ANXA11: variants seen among roughly 807,000 people sequenced by gnomAD.
ANXA11 encodes 56 kDa autoantigen.
ANXA11 carries 57 observed loss-of-function variants against 64.7 expected under a neutral mutation model. The ratio of observed to expected loss-of-function variants is 0.88; its 90% CI spans 0.71 to 1.10. The LOEUF (loss-of-function observed/expected upper bound fraction) is 1.10, where lower values mean the gene tolerates loss of function less well. Among genes scored for constraint, ANXA11 ranks in the 50% least tolerant of loss-of-function variants. ANXA11 has a pLI of 0.00. For missense variants in ANXA11, 675 were observed against 670.7 expected (o/e 1.01, Z -0.07); for synonymous variants, 260 against 265.2 (o/e 0.98, Z 0.19).
intron 1 of ANXA11, among the ~76,000 whole-genome samples, chr10:80,177,735 T>G (rs1391488972): frequency 6.6e-6 from 1 of 152,120 alleles, no homozygotes; most frequent in African/African-American, 2.4e-5. Context: ...TACACATTTC[T>G]CCACATGCCC....
intron 1 of ANXA11, among the ~76,000 whole-genome samples, chr10:80,191,358 G>A (rs559238722): frequency 3.9e-5 from 6 of 152,104 alleles, no homozygotes; most frequent in South Asian, 2.1e-4. Context: ...ACTGCACTCC[G>A]GCCTGGGTGA....
intron 1 of ANXA11, among the ~76,000 whole-genome samples, chr10:80,177,933 T>G (rs1846227503): frequency 6.6e-6 from 1 of 152,222 alleles, no homozygotes; most frequent in Admixed American, 6.5e-5. Context: ...ATTAGCACAC[T>G]GCTCTCTGAC....
chr10:80,198,810 G>A (rs955482523), intron 1 of ANXA11, among the ~76,000 whole-genome samples: 6 of 152,104 alleles, frequency 3.9e-5, no homozygotes, highest in Admixed American at 1.3e-4. Context: ...AACCTGAAAC[G>A]TAATACAGGT....
intron 1 of ANXA11, among the ~76,000 whole-genome samples, chr10:80,192,097 T>C (rs1171965184): frequency 6.6e-6 from 1 of 152,196 alleles, no homozygotes; most frequent in Non-Finnish European, 1.5e-5. Flanking sequence ...ATTCTTTTTG[T>C]TCCATCACGG....
At chr10:80,182,964 A>AC (rs1846409000) in intron 1 of ANXA11, among the ~76,000 whole-genome samples, 1 of 152,290 alleles carries the variant, frequency 6.6e-6, no homozygotes, top group African/African-American at 2.4e-5. Context: ...GGGGAAAAAA[A>AC]ACACACATCT....
At chr10:80,178,048 T>C (rs1846230576) in intron 1 of ANXA11, among the ~76,000 whole-genome samples, 5 of 152,182 alleles carry the variant, frequency 3.3e-5, no homozygotes, top group Admixed American at 3.3e-4. Context: ...CAAAAGAGGC[T>C]ACCGCAAGGG....
intron 4 of ANXA11, among the ~76,000 whole-genome samples, chr10:80,169,590 G>T (rs1025662156): frequency 1.3e-5 from 2 of 152,156 alleles, no homozygotes; most frequent in Admixed American, 1.3e-4. Flanking sequence ...CTTCTGCAGG[G>T]GAGATGCCTT....
intron 1 of ANXA11, among the ~76,000 whole-genome samples, chr10:80,179,844 G>GGACC (rs778109153): frequency 6.6e-6 from 1 of 152,172 alleles, no homozygotes; most frequent in Non-Finnish European, 1.5e-5. Context: ...TGCTGCCACT[G>GGACC]GACCGCCCCA....
At chr10:80,195,050 A>G (rs1361091648) in intron 1 of ANXA11, among the ~76,000 whole-genome samples, 1 of 152,092 alleles carries the variant, frequency 6.6e-6, no homozygotes, top group East Asian at 1.9e-4. Context: ...TGAGGAAGAG[A>G]GGCGAAGAAG....
chr10:80,190,121 T>C (rs1410287776), intron 1 of ANXA11, among the ~76,000 whole-genome samples: 1 of 152,180 alleles, frequency 6.6e-6, no homozygotes, highest in Non-Finnish European at 1.5e-5. Flanking sequence ...TAAGAGGGAA[T>C]GGGGAGTTTA....
chr10:80,161,639 G>C (rs1331124760), intron 12 of ANXA11, among the ~76,000 whole-genome samples: 1 of 152,216 alleles, frequency 6.6e-6, no homozygotes, highest in Non-Finnish European at 1.5e-5. Flanking sequence ...CTTATGCCAG[G>C]CTTTGGAAAA....
At chr10:80,166,297 G>T in intron 7 of ANXA11, 100 bp from the exon 8 acceptor site, 1 of 688,570 alleles carries the variant, frequency 1.5e-6, no homozygotes, top group Non-Finnish European at 2.5e-6. Flanking sequence ...CAGATTTGAG[G>T]AACAGCAGCA....
intron 1 of ANXA11, among the ~76,000 whole-genome samples, chr10:80,201,418 CA>C (rs1452832451): frequency 6.6e-6 from 1 of 152,152 alleles, no homozygotes; most frequent in Non-Finnish European, 1.5e-5. Context: ...ACAACCTAGA[CA>C]AATGTCTGTC....
At chr10:80,161,128 C>T (rs1483300849) in intron 12 of ANXA11, among the ~76,000 whole-genome samples, 2 of 152,186 alleles carry the variant, frequency 1.3e-5, no homozygotes, top group Non-Finnish European at 2.9e-5. Flanking sequence ...CTGGCTTCCT[C>T]TTTTGCTCAG....
At chr10:80,171,843 T>C in intron 3 of ANXA11, 1 of 985,488 alleles carries the variant, frequency 1.0e-6, no homozygotes, top group Non-Finnish European at 1.2e-6. Context: ...TGGCAGGATT[T>C]CTACTATAGA....
intron 1 of ANXA11, among the ~76,000 whole-genome samples, chr10:80,202,414 G>C (rs769254183): frequency 6.6e-6 from 1 of 152,124 alleles, no homozygotes; most frequent in Non-Finnish European, 1.5e-5. Flanking sequence ...TATTTCATGG[G>C]TTATAGGAGA....
chr10:80,153,695 C>G lies in ANXA11; in HGVS notation c.*2158G>C, dbSNP rs1845196540. The G allele has an allele frequency of 6.6e-6, 1 of 152,388 alleles. No individual in the cohort carries two copies. The highest frequency in any genetic ancestry group is 1.5e-5 in the Non-Finnish European group (1 of 68,156). 9.4% of individuals were successfully genotyped at this position (152,388 alleles called of 1,614,324 possible). On this transcript the variant is annotated 3_prime_UTR_variant, in exon 16 of 16. Coordinates refer to ENST00000422982, the MANE Select transcript of ANXA11 (RefSeq NM_145868.2). Reference sequence around the variant, plus strand: ...GAGAGCAGCAGGGATGGGGCTTCAGCTTGGGCTTGAGGCATGGACTCTGAC... The same window carrying G: ...GAGAGCAGCAGGGATGGGGCTTCAGGTTGGGCTTGAGGCATGGACTCTGAC...
intron 4 of ANXA11, 115 bp from the exon 5 acceptor site, chr10:80,169,473 T>A: frequency 1.1e-5 from 14 of 1,235,210 alleles, no homozygotes; most frequent in Non-Finnish European, 1.5e-5. Flanking sequence ...TTGTGGAATA[T>A]GAAGTACCGT....
intron 1 of ANXA11, among the ~76,000 whole-genome samples, chr10:80,176,399 T>C (rs1846169974): frequency 6.6e-6 from 1 of 152,144 alleles, no homozygotes; most frequent in Non-Finnish European, 1.5e-5. Context: ...AACTAAGTGG[T>C]TCCTGAGTGT....
Sources: allele counts gnomAD v4.1 joint callset (sites outside exome capture counted in the v4.1 genomes callset), GRCh38; gene constraint gnomAD v4.1.1; transcripts MANE v1.5; gene names NCBI Gene and HGNC (gene_info 2026-07-23, HGNC 2026-07-21).